The following SRSF11 variants were observed in gnomAD, a reference collection of about 807,000 sequenced individuals.
SRSF11 encodes the protein serine/arginine-rich splicing factor 11.
A neutral mutation model predicts 56.0 loss-of-function variants in SRSF11; 9 were observed. That is an observed-to-expected ratio of 0.16 (90% CI 0.10 to 0.28). The LOEUF is 0.28. Ranked by LOEUF, SRSF11 falls within the 10% of genes least tolerant of loss-of-function variation. The pLI, the probability that SRSF11 is intolerant of heterozygous loss-of-function variation, is 1.00. For synonymous variants in SRSF11, 222 were observed against 215.3 expected (o/e 1.03, Z -0.27); for missense variants, 421 against 600.7 (o/e 0.70, Z 3.13).
Position 70,235,587 on chromosome 1 carries a change from T to C in SRSF11, c.590+37T>C, listed in dbSNP as rs753787825. 4.4e-6 allele frequency: 7 copies of C among 1,586,986 alleles called. No homozygotes were observed. The Admixed American group carries it at 1.3e-4, about 30-fold the overall frequency. The stretch of plus-strand genomic sequence containing the variant: ...TTCTTTGTTTTCATTGGTGATGTGG[T>C]ATCTGAATGTCTACAGAATTAGAGT... On this transcript the variant is annotated intron_variant, in intron 5 of 11. Transcript: ENST00000370949.
chr1:70,219,418 A>C (rs1251645644), upstream of SRSF11, among the ~76,000 whole-genome samples: 1 of 152,204 alleles, frequency 6.6e-6, no homozygotes, highest in East Asian at 1.9e-4. Context: ...TCTCTATACT[A>C]ATAATAATAC....
rs370153495 is a variant in SRSF11, at chr1:70,250,590, T to A, written c.1258-18T>A. Reference sequence around the variant, plus strand: ...TTTTCTTTGGAGAAGTTTACTTTTATTATTCTCCTTGGCAAAGCAGGTTAC... The same window carrying A: ...TTTTCTTTGGAGAAGTTTACTTTTAATATTCTCCTTGGCAAAGCAGGTTAC... On this transcript the variant is annotated intron_variant, in intron 11 of 11. Coordinates refer to ENST00000370949, the MANE Select transcript of SRSF11 (RefSeq NM_001350605.2). 1.4e-4 allele frequency: 221 copies of A among 1,611,132 alleles called. No individual in the cohort carries two copies. Among genetic ancestry groups the A allele is most frequent in the Non-Finnish European group, 1.8e-4 (215 of 1,179,260 alleles).
chr1:70,219,759 C>T (rs531158761), upstream of SRSF11, among the ~76,000 whole-genome samples: 2 of 152,312 alleles, frequency 1.3e-5, no homozygotes, highest in African/African-American at 4.8e-5. Context: ...TGTAATTTTG[C>T]TGAGGCTCAC....
At chr1:70,226,802 G>A (rs143014485) in intron 1 of SRSF11, among the ~76,000 whole-genome samples, 1 of 152,292 alleles carries the variant, frequency 6.6e-6, no homozygotes, top group African/African-American at 2.4e-5. Context: ...AGCTGGAGTG[G>A]GAGGCTGGGT....
Position 70,239,480 on chromosome 1 carries a change from C to T in SRSF11, c.760C>T (p.Arg254Cys), listed in dbSNP as rs998792889. Residue 254 changes from arginine to cysteine, a missense_variant, in exon 7 of 12, where the codon CGT becomes TGT. By Grantham distance (180) the Arg-to-Cys change is radical. This residue lies in a region of SRSF11 where 253 missense variants were observed against 305.8 expected (regional missense o/e 0.83). Coordinates refer to ENST00000370949, the MANE Select transcript of SRSF11 (RefSeq NM_001350605.2). ...AAGAAGGCATTCAAGATCAAGATCA[C>T]GTTCTAGGAGGAGGAGGACTCCCTC... is the stretch of plus-strand genomic sequence containing the variant. ...EKRRHSRSRS[R>C]SRRRRTPSSS... The T allele has an allele frequency of 7.5e-6, 12 of 1,608,996 alleles. No individual in the cohort carries two copies. The highest frequency in any genetic ancestry group is 2.2e-5 in the South Asian group (2 of 90,122).
Position 70,246,904 on chromosome 1 carries a change from G to T in SRSF11, c.1019G>T (p.Ser340Ile), listed in dbSNP as rs1208202779. 1 of 1,603,034 alleles carries T rather than the reference G, an allele frequency of 6.2e-7. No homozygotes were observed. The highest frequency in any genetic ancestry group is 8.5e-7 in the Non-Finnish European group (1 of 1,175,478). ...ACAGCCAGACGTTCTAGAAGTGCAA[G>T]CAGGTAAGGTGGCATTGTGAATTCT... Reference protein sequence around the residue: ...YSTARRSRSASRERRRRRSRS... With the variant: ...YSTARRSRSAIRERRRRRSRS... Residue 340 changes from serine (S) to isoleucine (I), a missense_variant, in exon 9 of 12, where the codon AGC becomes ATC. By Grantham distance (142) the Ser-to-Ile change is moderately radical. Transcript: ENST00000370949.
At chr1:70,214,109 C>T (rs1159302411) in intron 1 of SRSF11, among the ~76,000 whole-genome samples, 3 of 152,026 alleles carry the variant, frequency 2.0e-5, no homozygotes, top group Non-Finnish European at 2.9e-5. Context: ...TCCTTGATTA[C>T]GAAAAACGTA....
chr1:70,241,418 T>C (rs1032123094), intron 7 of SRSF11, among the ~76,000 whole-genome samples: 2 of 152,200 alleles, frequency 1.3e-5, no homozygotes, highest in African/African-American at 4.8e-5. Flanking sequence ...GCTATGTCTG[T>C]TTATTCCCTG....
At chr1:70,247,180 A>G in intron 9 of SRSF11, 1 of 899,490 alleles carries the variant, frequency 1.1e-6, no homozygotes, top group Non-Finnish European at 1.4e-6. Context: ...TTTAAGTTTT[A>G]ATGGCTAAAC....
chr1:70,223,946 C>G (rs936182379), intron 1 of SRSF11, among the ~76,000 whole-genome samples: 1 of 152,112 alleles, frequency 6.6e-6, no homozygotes, highest in African/African-American at 2.4e-5. Flanking sequence ...TCTCTGGGTT[C>G]CACATCCATG....
chr1:70,237,555 A>G lies in SRSF11; in HGVS notation c.718+3A>G, dbSNP rs372560128. 2.5e-6 allele frequency: 4 copies of G among 1,607,638 alleles called. No homozygotes were observed. The African/African-American group carries it at 4.0e-5, about 16-fold the overall frequency. ...AATTTCTGCTGCTATAGAACCAGGTAAACAATGTTTATGCAATTTTGTTGT... is the reference window on the plus strand; with the variant it reads ...AATTTCTGCTGCTATAGAACCAGGTGAACAATGTTTATGCAATTTTGTTGT... On this transcript the variant is annotated splice_donor_region_variant and intron_variant, in intron 6 of 11. Coordinates refer to ENST00000370949, the MANE Select transcript of SRSF11 (RefSeq NM_001350605.2).
rs766227757 is a variant in SRSF11 at position 70,237,566 on chromosome 1, A to T, written c.718+14A>T. 1.9e-6 allele frequency: 3 copies of T among 1,606,146 alleles called. No homozygotes were observed. The highest frequency in any genetic ancestry group is 2.5e-6 in the Non-Finnish European group (3 of 1,178,078). On this transcript the variant is annotated intron_variant, in intron 6 of 11. Coordinates refer to ENST00000370949, the MANE Select transcript of SRSF11 (RefSeq NM_001350605.2). ...CTATAGAACCAGGTAAACAATGTTT[A>T]TGCAATTTTGTTGTGTGATTCTTAG...
chr1:70,235,927 C>T (rs1311514293), intron 5 of SRSF11, among the ~76,000 whole-genome samples: 3 of 152,222 alleles, frequency 2.0e-5, no homozygotes, highest in Non-Finnish European at 4.4e-5. Flanking sequence ...TAATAGCCAA[C>T]ATTTTATTTT....
rs1677858320 is a variant in SRSF11 at position 70,250,923 on chromosome 1, T to C, written c.*118T>C. The C allele has an allele frequency of 1.1e-6, 1 of 874,794 alleles. No individual in the cohort carries two copies. Among genetic ancestry groups the C allele is most frequent in the African/African-American group, 1.7e-5 (1 of 58,870 alleles). 54.2% of individuals were successfully genotyped at this position (874,794 alleles called of 1,614,324 possible). A position where few individuals can be genotyped will look rare whatever the true frequency, so the allele number is the denominator to read the frequency against. On this transcript the variant is annotated 3_prime_UTR_variant, in exon 12 of 12. Transcript: ENST00000370949. ...GATGTATACAGCTCTGAGTTATAAA[T>C]GGTTATAAAGCTCCTGTTACTCATA...
intron 1 of SRSF11, among the ~76,000 whole-genome samples, chr1:70,223,126 G>A (rs191742980): frequency 6.3e-4 from 96 of 152,260 alleles, no homozygotes; most frequent in African/African-American, 2.3e-3. Flanking sequence ...CTGTTGTTCA[G>A]TTTTCTCAAG....
chr1:70,206,889 CTTT>C (rs755835751), intron 1 of SRSF11, among the ~76,000 whole-genome samples: 11 of 118,980 alleles, frequency 9.2e-5, no homozygotes, highest in East Asian at 2.5e-4. Context: ...GGATTTTTGT[CTTT>C]TTTTTTTTTT....
upstream of SRSF11, among the ~76,000 whole-genome samples, chr1:70,219,723 A>G (rs1436407243): frequency 6.6e-6 from 1 of 152,200 alleles, no homozygotes; most frequent in East Asian, 1.9e-4. Flanking sequence ...AGCTAATGTT[A>G]GTTGATTTCT....
At chr1:70,247,790 A>G (rs1677090857) in intron 9 of SRSF11, among the ~76,000 whole-genome samples, 4 of 152,178 alleles carry the variant, frequency 2.6e-5, no homozygotes, top group South Asian at 2.1e-4. Flanking sequence ...AATTCTTTAT[A>G]TATTCTCTAT....
In SRSF11 at chr1:70,207,134, C is replaced by T. The variant is rs372559721; in HGVS notation, c.-26+1354C>T. On this transcript the variant is annotated intron_variant, in intron 1 of 12. Transcript: ENST00000370950. ...CTCGAACTCCCAGCCTCAAGCGATC[C>T]GCCCAGTTCGGCCTCCCAAAGTGCT... Among the ~76,000 whole-genome samples, 3 of 151,934 alleles carry T rather than the reference C, an allele frequency of 2.0e-5. No individual in the cohort carries two copies. The East Asian group carries it at 5.8e-4, about 29-fold the overall frequency.
Sources: allele counts gnomAD v4.1 joint callset (sites outside exome capture counted in the v4.1 genomes callset), GRCh38; gene constraint gnomAD v4.1.1; regional missense constraint gnomAD v4.1.1; transcripts MANE v1.5; gene names NCBI Gene and HGNC (gene_info 2026-07-23, HGNC 2026-07-21).